The following RBFOX1 variants were observed in gnomAD, a reference collection of about 807,000 sequenced individuals.
The protein encoded by RBFOX1 is RNA binding fox-1 homolog 1, also known as RNA binding protein fox-1 homolog 1.
Under a neutral mutation model 57.7 loss-of-function variants are expected in RBFOX1, and 8 were observed. That is an observed-to-expected ratio of 0.14 (90% CI 0.08 to 0.25). The LOEUF (loss-of-function observed/expected upper bound fraction) is 0.25. Ranked by LOEUF, RBFOX1 falls within the 10% of genes least tolerant of loss-of-function variation. RBFOX1 has a pLI of 1.00. For synonymous variants in RBFOX1, 326 were observed against 222.4 expected, an observed-to-expected ratio of 1.47 and a Z score of -4.15; for missense variants, 611 against 548.5, an observed-to-expected ratio of 1.11 and a Z score of -1.14.
chr16:5,380,178 T>A (rs1382029829), intron 1 of RBFOX1, among the ~76,000 whole-genome samples: 2 of 152,366 alleles, frequency 1.3e-5, no homozygotes, highest in East Asian at 1.9e-4. Context: ...ATCCTCCGCC[T>A]GGCTCCACTT....
rs552471774 is a variant in RBFOX1, at chr16:6,846,906, A to G, written c.-16+192256A>G. On this transcript the variant is annotated intron_variant, in intron 3 of 15. Coordinates refer to ENST00000550418, the MANE Select transcript of RBFOX1 (RefSeq NM_018723.4). ...TTACAAAGGGAAAGACTGCCTCTAA[A>G]TTACCCTAGGAAACAAAAAAAAAAA... is the stretch of plus-strand genomic sequence containing the variant. 2.8e-4 allele frequency among the ~76,000 whole-genome samples: 42 copies of G among 147,802 alleles called. No homozygotes were observed. In the South Asian group the frequency reaches 5.7e-3, roughly 20 times the overall value.
chr16:5,560,553 C>G (rs561198704), intron 2 of RBFOX1, among the ~76,000 whole-genome samples: 2 of 152,216 alleles, frequency 1.3e-5, no homozygotes, highest in Non-Finnish European at 2.9e-5. Context: ...AATCTCCTGT[C>G]ATCTGTGCAT....
intron 4 of RBFOX1, among the ~76,000 whole-genome samples, chr16:7,356,835 C>A (rs553603130): frequency 6.6e-6 from 1 of 152,314 alleles, no homozygotes; most frequent in Non-Finnish European, 1.5e-5. Context: ...AGTGGACTTA[C>A]TATTATGCGT....
chr16:7,219,697 C>G (rs965344320), intron 4 of RBFOX1, among the ~76,000 whole-genome samples: 1 of 152,174 alleles, frequency 6.6e-6, no homozygotes, highest in Non-Finnish European at 1.5e-5. Flanking sequence ...GCTCTGAGTA[C>G]ACCCTGGAAA....
intron 2 of RBFOX1, among the ~76,000 whole-genome samples, chr16:5,581,887 A>T (rs188790458): frequency 6.6e-6 from 1 of 152,314 alleles, no homozygotes; most frequent in East Asian, 1.9e-4. Context: ...GAAGTGATGC[A>T]AGATTTAGGA....
At chr16:7,642,918 C>T (rs930600042) in intron 11 of RBFOX1, among the ~76,000 whole-genome samples, 1 of 152,178 alleles carries the variant, frequency 6.6e-6, no homozygotes, top group Non-Finnish European at 1.5e-5. Context: ...CCGAATGTTA[C>T]AAAAATCCTG....
chr16:6,280,905 G>A (rs2152697946), intron 1 of RBFOX1, among the ~76,000 whole-genome samples: 1 of 151,786 alleles, frequency 6.6e-6, no homozygotes, highest in East Asian at 2.0e-4. Flanking sequence ...AGCGTGCTCA[G>A]TCTAACATCT....
At chr16:6,964,991 C>T (rs1353115078) in intron 3 of RBFOX1, among the ~76,000 whole-genome samples, 1 of 152,154 alleles carries the variant, frequency 6.6e-6, no homozygotes, top group Non-Finnish European at 1.5e-5. Context: ...CTACGTGCTT[C>T]ATAAATGATG....
intron 2 of RBFOX1, among the ~76,000 whole-genome samples, chr16:6,530,729 G>T (rs2096645928): frequency 7.2e-6 from 1 of 138,230 alleles, no homozygotes; most frequent in South Asian, 2.6e-4. Context: ...TTCTGCAGGG[G>T]AACTCCCTTT....
chr16:5,834,982 C>A lies in RBFOX1; in HGVS notation c.319-32321C>A, dbSNP rs571617221. 4.7e-4 allele frequency among the ~76,000 whole-genome samples: 72 copies of A among 152,246 alleles called. No homozygotes were observed. In the South Asian group the frequency reaches 0.014, roughly 30 times the overall value. ...TCCCACCAACAGTGCGTAAGTGTTC[C>A]CTTTGAGATATCACCTTACCCCACT... is the stretch of plus-strand genomic sequence containing the variant. On this transcript the variant is annotated intron_variant, in intron 3 of 19. Coordinates refer to the RBFOX1 transcript ENST00000641259.
rs145688775 is a variant in RBFOX1 at position 7,609,910 on chromosome 16, C to A, written c.676+2572C>A. ...TCAGTTCACTGCAAGCTCTGCCTCC[C>A]GGGTTCAAGTGATTCTCCTGCCTCA... On this transcript the variant is annotated intron_variant, in intron 10 of 15. Transcript: ENST00000550418. 4.3e-3 allele frequency among the ~76,000 whole-genome samples: 654 copies of A among 151,802 alleles called. 4 individuals are homozygous for A. The highest frequency in any genetic ancestry group is 0.015 in the African/African-American group (617 of 41,368).
At chr16:7,009,856 A>C (rs1325646505) in intron 3 of RBFOX1, among the ~76,000 whole-genome samples, 1 of 152,216 alleles carries the variant, frequency 6.6e-6, no homozygotes, top group Non-Finnish European at 1.5e-5. Context: ...CAAACTACGA[A>C]TATTAAAATA....
Position 7,453,599 on chromosome 16 carries a change from G to A in RBFOX1, c.28-64548G>A, listed in dbSNP as rs141137605. Among the ~76,000 whole-genome samples the A allele has an allele frequency of 3.9e-3, 589 of 152,256 alleles. 1 individual carries two copies. The highest frequency in any genetic ancestry group is 6.7e-3 in the Non-Finnish European group (455 of 68,008). On this transcript the variant is annotated intron_variant, in intron 4 of 15. Transcript: ENST00000550418. The stretch of plus-strand genomic sequence containing the variant: ...AAACAAATGGCACTTTGATGAGCAG[G>A]CACTGTATATAGTTTCATACACATG...
At chr16:6,190,600 A>C (rs939887764) in intron 1 of RBFOX1, among the ~76,000 whole-genome samples, 1 of 152,198 alleles carries the variant, frequency 6.6e-6, no homozygotes, top group Non-Finnish European at 1.5e-5. Context: ...TAAGCACTTG[A>C]TATATCGTCG....
chr16:5,613,105 G>C (rs760769095), intron 3 of RBFOX1, among the ~76,000 whole-genome samples: 2 of 152,180 alleles, frequency 1.3e-5, no homozygotes, highest in Non-Finnish European at 2.9e-5. Context: ...TGCATTTTGT[G>C]AAGATTCCTC....
chr16:5,521,454 C>G (rs1324795924), intron 2 of RBFOX1, among the ~76,000 whole-genome samples: 1 of 152,178 alleles, frequency 6.6e-6, no homozygotes, highest in African/African-American at 2.4e-5. Flanking sequence ...GGCTGTGGCA[C>G]ATATCTCTTT....
At position 6,615,328 on chromosome 16, in the gene RBFOX1, G is replaced by C. The variant is rs1384679939; in HGVS notation, c.-63-39275G>C. ...CTCATGCCAGTAATTCTAGTACTTT[G>C]GGAGGCCAAGGCGGGTGGATCACCT... is the stretch of plus-strand genomic sequence containing the variant. On this transcript the variant is annotated intron_variant, in intron 2 of 15. Coordinates refer to ENST00000550418, the MANE Select transcript of RBFOX1 (RefSeq NM_018723.4). Among the ~76,000 whole-genome samples the C allele has an allele frequency of 2.0e-5, 3 of 152,232 alleles. No individual in the cohort carries two copies. In the East Asian group the frequency reaches 5.8e-4, roughly 29 times the overall value.
rs893069685 is a variant in RBFOX1 at position 7,693,741 on chromosome 16, T to C, written c.996-15315T>C. ...TGTTTTTTGACGTGTTATGTCTGGG[T>C]TCATAGAGACTGATGTGTGAATTAT... On this transcript the variant is annotated intron_variant, in intron 14 of 15. Transcript: ENST00000550418. 7.2e-5 allele frequency among the ~76,000 whole-genome samples: 11 copies of C among 152,186 alleles called. 1 individual carries two copies. Among genetic ancestry groups the C allele is most frequent in the Admixed American group, 6.5e-4 (10 of 15,274 alleles).
chr16:6,571,754 G>A (rs1340867137), intron 2 of RBFOX1, among the ~76,000 whole-genome samples: 1 of 152,178 alleles, frequency 6.6e-6, no homozygotes, highest in East Asian at 1.9e-4. Flanking sequence ...CACCAGCAGA[G>A]TTCTGGGCCT....
Sources: allele counts gnomAD v4.1 joint callset (sites outside exome capture counted in the v4.1 genomes callset), GRCh38; gene constraint gnomAD v4.1.1; transcripts MANE v1.5; gene names NCBI Gene and HGNC (gene_info 2026-07-23, HGNC 2026-07-21).